The following TXNDC16 variants were observed in gnomAD, a reference collection of about 807,000 sequenced individuals.
TXNDC16 encodes the protein thioredoxin domain-containing protein 16.
In TXNDC16, 74 loss-of-function variants were observed where a neutral mutation model predicts 85.6. The observed-to-expected ratio is 0.86, with a 90% CI of 0.72 to 1.05. TXNDC16 has a LOEUF of 1.05. Among genes scored for constraint, TXNDC16 ranks in the 50% least tolerant of loss-of-function variants. The pLI, the probability that TXNDC16 is intolerant of heterozygous loss-of-function variation, is 0.00. For missense variants in TXNDC16, 959 were observed against 947.0 expected (o/e 1.01, Z -0.17); for synonymous variants, 335 against 326.5 (o/e 1.03, Z -0.28).
chr14:52,469,389 T>C (rs1038915235), intron 16 of TXNDC16, among the ~76,000 whole-genome samples: 4 of 151,900 alleles, frequency 2.6e-5, no homozygotes, highest in African/African-American at 9.7e-5. Flanking sequence ...TTTTGATATA[T>C]ATATTCACCA....
rs149671111 is a variant in TXNDC16, at chr14:52,485,312, G to A, written c.1109-2347C>T. 2.2e-3 allele frequency among the ~76,000 whole-genome samples: 338 copies of A among 152,178 alleles called. 2 individuals carry two copies. The highest frequency in any genetic ancestry group is 7.9e-3 in the African/African-American group (327 of 41,518). Reference sequence around the variant, plus strand: ...GGATATAAAAAAAGAAAATATTTTTGTACAGCTGTATGATGTGTTTGTGCT... The same window carrying A: ...GGATATAAAAAAAGAAAATATTTTTATACAGCTGTATGATGTGTTTGTGCT... On this transcript the variant is annotated intron_variant, in intron 12 of 20. Transcript: ENST00000281741.
chr14:52,457,012 G>T, intron 17 of TXNDC16, 78 bp downstream of exon 17: 1 of 1,037,062 alleles, frequency 9.6e-7, no homozygotes, highest in Non-Finnish European at 1.4e-6. Flanking sequence ...CATCAGCTGT[G>T]TAAATATAAG....
In TXNDC16 at chr14:52,432,297, T is replaced by G; in HGVS notation, c.*7A>C. The G allele has an allele frequency of 6.3e-7, 1 of 1,595,052 alleles. No homozygotes were observed. Among genetic ancestry groups the G allele is most frequent in the Non-Finnish European group, 8.5e-7 (1 of 1,171,152 alleles). On this transcript the variant is annotated 3_prime_UTR_variant, in exon 21 of 21. Coordinates refer to ENST00000281741, the MANE Select transcript of TXNDC16 (RefSeq NM_020784.3). ...AAAAAAATTTTGGAAACCACAGCCCTATAAAATTAGTTCACTTTTGAGCAT... is the reference window on the plus strand; with the variant it reads ...AAAAAAATTTTGGAAACCACAGCCCGATAAAATTAGTTCACTTTTGAGCAT...
In TXNDC16 at chr14:52,514,930, A is replaced by G; in HGVS notation, c.555T>C (p.Thr185=). Residue 185 remains threonine (T), a synonymous_variant, in exon 8 of 21, where the codon ACT becomes ACC. Coordinates refer to ENST00000281741, the MANE Select transcript of TXNDC16 (RefSeq NM_020784.3). The part of the protein sequence containing the change: ...AVMEAAFVYG[T]TYQFVLTTEI... ...CTGTGGTTAAGACAAATTGGTATGT[A>G]GTCCCATACACAAAAGCGGCTTCCA... 1 of 1,613,060 alleles carries G rather than the reference A, an allele frequency of 6.2e-7. No homozygotes were observed.
rs1012287913 is a variant in TXNDC16, at chr14:52,511,531, TA to T, written c.606-142del. The T allele has an allele frequency of 6.1e-6, 3 of 495,840 alleles. No individual in the cohort carries two copies. The Admixed American group carries it at 1.2e-4, about 19-fold the overall frequency. 30.7% of individuals were successfully genotyped at this position (495,840 alleles called of 1,614,324 possible). ...GTAAAAGCCTGAAAGAGTATAAAAT[TA>T]AATGAACTTGGGCAACAAAGAAGAT... is the stretch of plus-strand genomic sequence containing the variant. On this transcript the variant is annotated intron_variant, in intron 8 of 20. Coordinates refer to ENST00000281741, the MANE Select transcript of TXNDC16 (RefSeq NM_020784.3).
chr14:52,448,013 GA>G (rs967555356), intron 18 of TXNDC16, among the ~76,000 whole-genome samples: 36 of 134,898 alleles, frequency 2.7e-4, no homozygotes, highest in South Asian at 4.7e-4. Flanking sequence ...AAAGAAAAAT[GA>G]AAAAAAAAAA....
chr14:52,533,655 G>C (rs950349928), intron 6 of TXNDC16, among the ~76,000 whole-genome samples: 1 of 152,206 alleles, frequency 6.6e-6, no homozygotes, highest in Non-Finnish European at 1.5e-5. Context: ...AAAGAGAGGT[G>C]CTGGCTCAAC....
chr14:52,530,232 C>CATATAATAATATACAATACATATT (rs1566581731), intron 6 of TXNDC16, among the ~76,000 whole-genome samples: 39 of 40,066 alleles, frequency 9.7e-4, no homozygotes, highest in African/African-American at 5.5e-3. Flanking sequence ...TATAATATTA[C>CATATAATAATATACAATACATATT]ATATAATAAT....
At chr14:52,547,263 A>C (rs1427284033) in intron 1 of TXNDC16, among the ~76,000 whole-genome samples, 1 of 152,226 alleles carries the variant, frequency 6.6e-6, no homozygotes, top group Non-Finnish European at 1.5e-5. Flanking sequence ...AAGAGTAACA[A>C]AAATGGAAGA....
chr14:52,436,786 T>A (rs1378392077), intron 20 of TXNDC16, among the ~76,000 whole-genome samples: 1 of 152,106 alleles, frequency 6.6e-6, no homozygotes, highest in Non-Finnish European at 1.5e-5. Context: ...TAATATTGAA[T>A]GAGAATTTGT....
intron 6 of TXNDC16, among the ~76,000 whole-genome samples, chr14:52,528,318 C>A (rs562015594): frequency 1.3e-5 from 2 of 152,094 alleles, no homozygotes; most frequent in African/African-American, 2.4e-5. Context: ...TAAAGTAACA[C>A]ATATTCTCTA....
At chr14:52,499,609 CAAA>C (rs201990030) in intron 9 of TXNDC16, among the ~76,000 whole-genome samples, 1 of 126,904 alleles carries the variant, frequency 7.9e-6, no homozygotes. Flanking sequence ...TGGCCACTAT[CAAA>C]AAAAAAAAAA....
At chr14:52,506,544 T>C (rs1213278274) in intron 9 of TXNDC16, among the ~76,000 whole-genome samples, 1 of 136,254 alleles carries the variant, frequency 7.3e-6, no homozygotes, top group Non-Finnish European at 1.6e-5. Flanking sequence ...TTTTTTTTTT[T>C]TTTTTTTCTT....
intron 4 of TXNDC16, among the ~76,000 whole-genome samples, chr14:52,539,685 T>C (rs756610885): frequency 7.9e-5 from 12 of 152,136 alleles, no homozygotes; most frequent in Non-Finnish European, 1.6e-4. Context: ...GTATAGGAAG[T>C]GGTCAGATTT....
At chr14:52,474,268 G>A (rs866411341) in intron 14 of TXNDC16, among the ~76,000 whole-genome samples, 1 of 152,098 alleles carries the variant, frequency 6.6e-6, no homozygotes, top group Non-Finnish European at 1.5e-5. Context: ...ATATTCTTGA[G>A]GAACATTATC....
At chr14:52,443,262 T>G (rs1246323325) in intron 18 of TXNDC16, among the ~76,000 whole-genome samples, 2 of 152,214 alleles carry the variant, frequency 1.3e-5, no homozygotes, top group Non-Finnish European at 2.9e-5. Context: ...CTGTGCTGGA[T>G]GCTTCCTGCC....
At chr14:52,479,675 C>T (rs1459557281) in intron 14 of TXNDC16, among the ~76,000 whole-genome samples, 2 of 151,938 alleles carry the variant, frequency 1.3e-5, no homozygotes, top group African/African-American at 4.8e-5. Flanking sequence ...TCGTGGATGA[C>T]ACAAACAAAT....
chr14:52,464,875 G>T (rs2035736035), intron 16 of TXNDC16, among the ~76,000 whole-genome samples: 1 of 152,052 alleles, frequency 6.6e-6, no homozygotes, highest in Admixed American at 6.5e-5. Context: ...GGAGGTGGAG[G>T]TTGCAGTGAG....
intron 9 of TXNDC16, among the ~76,000 whole-genome samples, chr14:52,506,617 C>G (rs1352158124): frequency 7.8e-6 from 1 of 127,684 alleles, no homozygotes; most frequent in African/African-American, 3.1e-5. Context: ...ACTGCAGTGG[C>G]GCAATCTCGG....
Sources: allele counts gnomAD v4.1 joint callset (sites outside exome capture counted in the v4.1 genomes callset), GRCh38; gene constraint gnomAD v4.1.1; transcripts MANE v1.5; gene names NCBI Gene and HGNC (gene_info 2026-07-23, HGNC 2026-07-21).